The following OR56A3 variants were observed in gnomAD, a reference collection of about 807,000 sequenced individuals.
OR56A3 encodes the protein olfactory receptor 56A3.
Under a neutral mutation model 17.5 loss-of-function variants are expected in OR56A3, and 23 were observed. The ratio of observed to expected loss-of-function variants is 1.32; its 90% CI spans 0.95 to 1.87. The LOEUF (loss-of-function observed/expected upper bound fraction) is 1.87, where lower values mean the gene tolerates loss of function less well. OR56A3 is among the 40% of genes most tolerant of loss of function. The probability of loss-of-function intolerance (pLI) is 0.00; values close to 1 mark genes in which losing one functional copy is unlikely to be tolerated. For synonymous variants in OR56A3, 175 were observed against 150.6 expected (o/e 1.16, Z -1.19); for missense variants, 366 against 380.1 (o/e 0.96, Z 0.31).
chr11:6,012,555 G>A, the OR56A3 span, among the ~76,000 whole-genome samples: 4 of 152,136 alleles, frequency 2.6e-5, no homozygotes, highest in Admixed American at 2.0e-4. Context: ...GGAGAGGGTA[G>A]CTCCTCCCTG....
At chr11:6,014,815 G>A in the OR56A3 span, among the ~76,000 whole-genome samples, 25 of 151,932 alleles carry the variant, frequency 1.6e-4, no homozygotes, top group Admixed American at 3.3e-4. Context: ...AATTTATTGG[G>A]AACTGGCGTA....
At chr11:5,991,623 G>A in the OR56A3 span, among the ~76,000 whole-genome samples, 1 of 152,152 alleles carries the variant, frequency 6.6e-6, no homozygotes, top group Non-Finnish European at 1.5e-5. Flanking sequence ...CACAAGCTGA[G>A]AAATAACCCC....
the OR56A3 span, chr11:6,006,126 C>G: frequency 6.6e-6 from 1 of 152,178 alleles, no homozygotes; most frequent in African/African-American, 2.4e-5. Context: ...AGAAAGGCTG[C>G]AGTCAGGAAT....
chr11:6,002,039 T>C, the OR56A3 span: 1 of 1,542,474 alleles, frequency 6.5e-7, no homozygotes, highest in Non-Finnish European at 8.7e-7. Context: ...GTGGATCTAA[T>C]CCTTTTTATT....
the OR56A3 span, chr11:5,994,639 G>C: frequency 1.3e-6 from 1 of 777,372 alleles, no homozygotes; most frequent in Non-Finnish European, 2.3e-6. Flanking sequence ...TCACAGACTG[G>C]CACATGGCCA....
chr11:5,972,435 A>G, the OR56A3 span, among the ~76,000 whole-genome samples: 1 of 152,164 alleles, frequency 6.6e-6, no homozygotes, highest in Non-Finnish European at 1.5e-5. Flanking sequence ...GGCCCAACAC[A>G]GCATTGCTCC....
At chr11:5,947,254 T>G in intron 2 of OR56A3, 57 bp from the exon 3 acceptor site, 2 of 1,175,084 alleles carry the variant, frequency 1.7e-6, no homozygotes, top group African/African-American at 1.5e-5. Flanking sequence ...GACAAACAAA[T>G]TGTGCTATCT....
In OR56A3 at chr11:5,947,765, T is replaced by A. The variant is rs763827316; in HGVS notation, c.419T>A (p.Ile140Asn). The change falls in exon 3 of 3, where the codon ATC becomes AAC. Residue 140 changes from isoleucine to asparagine, a missense_variant. Physicochemically the swap from Ile to Asn is moderately radical, Grantham distance 149. Transcript: ENST00000641160. The part of the protein sequence containing the change: ...ICHPLRYPSI[I>N]TDHFVVKAAM... ...CACCCACTGAGATATCCATCAATCA[T>A]CACTGATCACTTTGTAGTCAAGGCT... 2 of 1,614,226 alleles carry A rather than the reference T, an allele frequency of 1.2e-6. No homozygotes were observed. The highest frequency in any genetic ancestry group is 1.7e-6 in the Non-Finnish European group (2 of 1,180,042).
At chr11:5,964,062 ATAT>A in the OR56A3 span, among the ~76,000 whole-genome samples, 4 of 151,854 alleles carry the variant, frequency 2.6e-5, no homozygotes, top group Non-Finnish European at 5.9e-5. Flanking sequence ...ATTGATTTTT[ATAT>A]TATTCTTTCA....
downstream of OR56A3, among the ~76,000 whole-genome samples, chr11:5,952,567 T>C (rs1358475263): frequency 1.3e-5 from 2 of 151,850 alleles, no homozygotes; most frequent in African/African-American, 4.8e-5. Context: ...TGTAGGAAAC[T>C]CATTATTATG....
At chr11:5,965,359 G>C in the OR56A3 span, among the ~76,000 whole-genome samples, 2 of 152,202 alleles carry the variant, frequency 1.3e-5, no homozygotes, top group Non-Finnish European at 2.9e-5. Context: ...CTCATATTGA[G>C]ATTGGTGAGT....
At chr11:6,001,968 T>C in the OR56A3 span, 1 of 1,398,880 alleles carries the variant, frequency 7.1e-7, no homozygotes, top group Non-Finnish European at 9.6e-7. Flanking sequence ...TGAAATTTCC[T>C]TTCCAACATA....
rs1847892169 is a variant in OR56A3 at position 5,948,864 on chromosome 11, G to A, written c.*570G>A. The A allele has an allele frequency of 6.5e-6, 1 of 153,132 alleles. No homozygotes were observed. Among genetic ancestry groups the A allele is most frequent in the Admixed American group, 6.5e-5 (1 of 15,464 alleles). 9.5% of individuals were successfully genotyped at this position (153,132 alleles called of 1,614,324 possible). On this transcript the variant is annotated 3_prime_UTR_variant, in exon 3 of 3. Coordinates refer to ENST00000641160, the MANE Select transcript of OR56A3 (RefSeq NM_001003443.3). ...TCTCTCCCTCTCCTTCTCTTTCTCT[G>A]GAAGACAAGTAAATTTTTGTAATGT...
Position 5,948,116 on chromosome 11 carries a change from C to T in OR56A3, c.770C>T (p.Thr257Ile). The T allele has an allele frequency of 3.1e-6, 5 of 1,614,240 alleles. No individual in the cohort carries two copies. The highest frequency in any genetic ancestry group is 4.2e-6 in the Non-Finnish European group (5 of 1,180,048). Residue 257 changes from threonine to isoleucine, a missense_variant, in exon 3 of 3, where the codon ACC becomes ATC. Transcript: ENST00000641160. ...SHFMLILFFSTILLVFVLTHV... is the reference protein window; with the variant it reads ...SHFMLILFFSIILLVFVLTHV... ...TTCATGCTCATCCTCTTCTTCAGCA[C>T]CATCCTTCTGGTTTTTGTCCTCACA...
chr11:6,001,132 G>A, the OR56A3 span: 1 of 152,220 alleles, frequency 6.6e-6, no homozygotes, highest in East Asian at 1.9e-4. Flanking sequence ...AACAAACCTA[G>A]AACTTTCATG....
the OR56A3 span, chr11:5,994,534 C>T: frequency 1.1e-6 from 1 of 948,076 alleles, no homozygotes; most frequent in Non-Finnish European, 1.7e-6. Context: ...TCATGAAGAG[C>T]AGCTCCTCCT....
the OR56A3 span, among the ~76,000 whole-genome samples, chr11:5,961,022 C>G: frequency 6.6e-6 from 1 of 152,066 alleles, no homozygotes; most frequent in African/African-American, 2.4e-5. Flanking sequence ...AGCCCCTCCG[C>G]CCGGCAGCCG....
At chr11:6,003,083 A>G in the OR56A3 span, 14 of 1,609,242 alleles carry the variant, frequency 8.7e-6, no homozygotes, top group East Asian at 2.7e-4. Context: ...TAGACGTAGT[A>G]GAGTGTGGGT....
chr11:5,959,827 T>A, the OR56A3 span, among the ~76,000 whole-genome samples: 15 of 152,210 alleles, frequency 9.9e-5, no homozygotes, highest in Non-Finnish European at 2.2e-4. Flanking sequence ...TTTAGTTTAT[T>A]TTGAGCTGAA....
Sources: allele counts gnomAD v4.1 joint callset (sites outside exome capture counted in the v4.1 genomes callset), GRCh38; gene constraint gnomAD v4.1.1; transcripts MANE v1.5; gene names NCBI Gene and HGNC (gene_info 2026-07-23, HGNC 2026-07-21).